The following FCHSD2 variants were observed in gnomAD, a reference collection of about 807,000 sequenced individuals.
FCHSD2 encodes the protein FCH and double SH3 domains 2, also known as F-BAR and double SH3 domains protein 2.
FCHSD2 carries 38 observed loss-of-function variants against 108.1 expected under a neutral mutation model. That is an observed-to-expected ratio of 0.35 (90% confidence interval 0.27 to 0.46). The LOEUF (loss-of-function observed/expected upper bound fraction) is 0.46. Ranked by LOEUF, FCHSD2 falls within the 20% of genes least tolerant of loss-of-function variation. The pLI is 1.00. For synonymous variants in FCHSD2, 279 were observed against 314.7 expected (o/e 0.89, Z 1.20); for missense variants, 751 against 897.8 (o/e 0.84, Z 2.09).
chr11:73,035,842 T>A (rs987674225), intron 3 of FCHSD2, among the ~76,000 whole-genome samples: 16 of 151,856 alleles, frequency 1.1e-4, no homozygotes, highest in African/African-American at 3.6e-4. Flanking sequence ...TGCCTCAGCC[T>A]CCCGAGTAGC....
At chr11:72,871,032 A>T (rs1371898992) in intron 12 of FCHSD2, among the ~76,000 whole-genome samples, 4 of 152,120 alleles carry the variant, frequency 2.6e-5, no homozygotes, top group African/African-American at 7.2e-5. Context: ...AATAGCAGAG[A>T]TTGAGAATAA....
chr11:73,027,163 C>A (rs571161180), intron 3 of FCHSD2, among the ~76,000 whole-genome samples: 1 of 152,174 alleles, frequency 6.6e-6, no homozygotes, highest in Admixed American at 6.5e-5. Flanking sequence ...AGGAGGATGT[C>A]GGAAAGTTTG....
intron 2 of FCHSD2, among the ~76,000 whole-genome samples, chr11:73,095,985 C>T (rs1186329002): frequency 6.6e-6 from 1 of 150,556 alleles, no homozygotes; most frequent in Admixed American, 6.6e-5. Flanking sequence ...CAACCCTGAG[C>T]TACCAACATC....
Position 72,921,892 on chromosome 11 carries a change from G to C in FCHSD2, c.764C>G (p.Thr255Ser). ...CACAGCTTGGCATGTTTCTAGCTCA[G>C]TCCGGCTGAAGGCTATTAAATAATC... is the stretch of plus-strand genomic sequence containing the variant. ...LKDYLIAFSRTELETCQAVQN... is the reference protein window; with the variant it reads ...LKDYLIAFSRSELETCQAVQN... The change falls in exon 9 of 20, where the codon ACT (threonine) becomes AGT (serine). Residue 255 changes from threonine to serine, a missense_variant. Thr to Ser is a moderately conservative substitution (Grantham distance 58, BLOSUM62 1). Transcript: ENST00000409418. 1 of 1,606,244 alleles carries C rather than the reference G, an allele frequency of 6.2e-7. No homozygotes were observed.
At chr11:73,125,034 C>CA (rs1428957135) in intron 2 of FCHSD2, among the ~76,000 whole-genome samples, 1 of 152,118 alleles carries the variant, frequency 6.6e-6, no homozygotes, top group Non-Finnish European at 1.5e-5. Flanking sequence ...CTATATCCAG[C>CA]AAAAATATCT....
At chr11:72,992,639 C>T (rs916241476) in intron 5 of FCHSD2, among the ~76,000 whole-genome samples, 1 of 152,008 alleles carries the variant, frequency 6.6e-6, no homozygotes, top group African/African-American at 2.4e-5. Flanking sequence ...ACAAACCTGA[C>T]AAAAACAAGA....
chr11:72,854,036 T>C (rs1006561560), intron 13 of FCHSD2, among the ~76,000 whole-genome samples: 1 of 152,164 alleles, frequency 6.6e-6, no homozygotes, highest in Non-Finnish European at 1.5e-5. Flanking sequence ...TTCACACCCA[T>C]TAGGATGCTG....
intron 2 of FCHSD2, among the ~76,000 whole-genome samples, chr11:73,096,281 C>G (rs1860072454): frequency 6.7e-6 from 1 of 148,478 alleles, no homozygotes; most frequent in African/African-American, 2.5e-5. Context: ...TGGCTCACGT[C>G]TGTAATCCCA....
At chr11:72,990,369 A>G (rs1356772551) in intron 5 of FCHSD2, among the ~76,000 whole-genome samples, 1 of 151,952 alleles carries the variant, frequency 6.6e-6, no homozygotes. Context: ...AATATCTGAT[A>G]GGAACCCTCC....
intron 2 of FCHSD2, among the ~76,000 whole-genome samples, chr11:73,093,659 T>C (rs535020118): frequency 6.6e-6 from 1 of 152,158 alleles, no homozygotes; most frequent in Admixed American, 6.5e-5. Flanking sequence ...TGGAGTGCAA[T>C]GACGCGGTCT....
At chr11:72,951,005 C>T (rs1284413595) in intron 8 of FCHSD2, among the ~76,000 whole-genome samples, 1 of 152,158 alleles carries the variant, frequency 6.6e-6, no homozygotes, top group Non-Finnish European at 1.5e-5. Flanking sequence ...CTCTCTTTCC[C>T]CTATCCACTG....
chr11:73,022,904 T>C (rs1299300740), intron 3 of FCHSD2, among the ~76,000 whole-genome samples: 2 of 152,234 alleles, frequency 1.3e-5, no homozygotes, highest in African/African-American at 4.8e-5. Flanking sequence ...TATAGTAAAC[T>C]GATTTTTCAC....
intron 3 of FCHSD2, among the ~76,000 whole-genome samples, chr11:73,052,553 T>G (rs564953874): frequency 6.6e-6 from 1 of 152,322 alleles, no homozygotes; most frequent in South Asian, 2.1e-4. Flanking sequence ...TACACTACTG[T>G]TACTACATAC....
At position 72,953,028 on chromosome 11, in the gene FCHSD2, A is replaced by C. The variant is rs538108245; in HGVS notation, c.705+31060T>G. On this transcript the variant is annotated intron_variant, in intron 8 of 19. Coordinates refer to ENST00000409418, the MANE Select transcript of FCHSD2 (RefSeq NM_014824.3). The stretch of plus-strand genomic sequence containing the variant: ...TTGACTTGAAAAAATTTTGTTACTG[A>C]AAGTGCAAAGAATAAGAGATATTTA... 7.2e-5 allele frequency among the ~76,000 whole-genome samples: 11 copies of C among 152,314 alleles called. No homozygotes were observed. The South Asian group carries it at 2.3e-3, about 32-fold the overall frequency.
chr11:73,109,859 G>A (rs1458099832), intron 2 of FCHSD2, among the ~76,000 whole-genome samples: 1 of 152,112 alleles, frequency 6.6e-6, no homozygotes, highest in Non-Finnish European at 1.5e-5. Flanking sequence ...TTATTGTGTT[G>A]AGGTATGTTC....
chr11:72,857,773 G>A (rs1208508162), intron 13 of FCHSD2, among the ~76,000 whole-genome samples: 2 of 152,014 alleles, frequency 1.3e-5, no homozygotes, highest in Admixed American at 6.6e-5. Context: ...TTATTGCAGA[G>A]GCAGGAAAGA....
In FCHSD2 at chr11:72,928,992, G is replaced by A. The variant is rs113422490; in HGVS notation, c.706-7042C>T. Among the ~76,000 whole-genome samples the A allele has an allele frequency of 4.6e-3, 697 of 152,012 alleles. 2 individuals carry two copies. The highest frequency in any genetic ancestry group is 8.4e-3 in the Non-Finnish European group (573 of 67,994). On this transcript the variant is annotated intron_variant, in intron 8 of 19. Coordinates refer to ENST00000409418, the MANE Select transcript of FCHSD2 (RefSeq NM_014824.3). ...GCGGTGTTTGGTTTTTTGTCCTTGC[G>A]ATAGTTTGCTGAGAATGGTGGTTTC...
rs562208746 is a variant in FCHSD2 at position 73,095,340 on chromosome 11, C to T, written c.120-11600G>A. 2.1e-3 allele frequency among the ~76,000 whole-genome samples: 327 copies of T among 152,274 alleles called. 1 individual carries two copies. Among genetic ancestry groups the T allele is most frequent in the Middle Eastern group, 6.8e-3 (2 of 294 alleles). On this transcript the variant is annotated intron_variant, in intron 2 of 19. Coordinates refer to ENST00000409418, the MANE Select transcript of FCHSD2 (RefSeq NM_014824.3). ...ATTTGCTAAATAAGTGACAATATCA[C>T]ATTCCACAGCTTATAAATATGAAAT...
At chr11:72,884,966 T>C (rs1404370707) in intron 12 of FCHSD2, among the ~76,000 whole-genome samples, 1 of 152,172 alleles carries the variant, frequency 6.6e-6, no homozygotes, top group Non-Finnish European at 1.5e-5. Flanking sequence ...ACATTTTATA[T>C]AACCAGTGTT....
Sources: allele counts gnomAD v4.1 joint callset (sites outside exome capture counted in the v4.1 genomes callset), GRCh38; gene constraint gnomAD v4.1.1; transcripts MANE v1.5; gene names NCBI Gene and HGNC (gene_info 2026-07-23, HGNC 2026-07-21).